Variants in SLC35E4 observed in about 807,000 individuals in gnomAD.
SLC35E4 encodes solute carrier family 35 member E4, also known as solute carrier family 35, member E4.
SLC35E4 carries 15 observed loss-of-function variants against 19.3 expected under a neutral mutation model. That is an observed-to-expected ratio of 0.78 (90% CI 0.52 to 1.20). The LOEUF (loss-of-function observed/expected upper bound fraction) is 1.20. SLC35E4 is among the 50% of genes most tolerant of loss of function. The pLI is 0.00. For missense variants in SLC35E4, 406 were observed against 472.3 expected (o/e 0.86, Z 1.30); for synonymous variants, 219 against 219.9 (o/e 1.00, Z 0.04).
intron 1 of SLC35E4, among the ~76,000 whole-genome samples, chr22:30,644,393 A>G (rs1388550379): frequency 6.6e-6 from 1 of 152,224 alleles, no homozygotes; most frequent in Non-Finnish European, 1.5e-5. Context: ...TCGACTACTC[A>G]TCTCTCTCCA....
downstream of SLC35E4, among the ~76,000 whole-genome samples, chr22:30,649,949 T>C (rs2088182959): frequency 6.7e-6 from 1 of 149,212 alleles, no homozygotes; most frequent in Non-Finnish European, 1.5e-5. Context: ...CCATTAGACA[T>C]TGAGGTGATT....
chr22:30,646,117 T>G (rs2088124937), intron 1 of SLC35E4, among the ~76,000 whole-genome samples: 1 of 152,194 alleles, frequency 6.6e-6, no homozygotes, highest in African/African-American at 2.4e-5. Flanking sequence ...CTTTGTAATG[T>G]TTTTTGAGCC....
At chr22:30,638,683 G>A (rs896232981) in intron 1 of SLC35E4, among the ~76,000 whole-genome samples, 4 of 150,048 alleles carry the variant, frequency 2.7e-5, no homozygotes, top group Non-Finnish European at 5.9e-5. Context: ...GTGATGGTGG[G>A]CGCCTGTAAT....
At chr22:30,658,386 AT>A (rs1323084041) in intron 2 of SLC35E4, among the ~76,000 whole-genome samples, 42 of 147,534 alleles carry the variant, frequency 2.8e-4, no homozygotes, top group South Asian at 6.5e-4. Context: ...AAAAAAAAAA[AT>A]TTTTTTTTTT....
chr22:30,662,011 G>A (rs2088485012), intron 2 of SLC35E4: 1 of 150,112 alleles, frequency 6.7e-6, no homozygotes, highest in Non-Finnish European at 1.5e-5. Context: ...GTGAGGTAGG[G>A]TCTGAAAGGA....
chr22:30,655,677 C>G (rs930158579), intron 2 of SLC35E4, among the ~76,000 whole-genome samples: 5 of 152,108 alleles, frequency 3.3e-5, no homozygotes, highest in Admixed American at 2.6e-4. Flanking sequence ...ATTTCAGTGT[C>G]ACAGCTGGGA....
intron 1 of SLC35E4, among the ~76,000 whole-genome samples, chr22:30,645,678 C>G (rs976714103): frequency 2.0e-5 from 3 of 150,264 alleles, no homozygotes; most frequent in African/African-American, 7.3e-5. Context: ...TTTTTAGAGA[C>G]AGGGTCTTGC....
chr22:30,663,525 C>T, downstream of SLC35E4: 1 of 1,614,176 alleles, frequency 6.2e-7, no homozygotes, highest in Non-Finnish European at 8.5e-7. Context: ...AGTGTTCTTG[C>T]CAAACAATTG....
At position 30,647,253 on chromosome 22, in the gene SLC35E4, C is replaced by T. The variant is rs2088150228; in HGVS notation, c.*222C>T. On this transcript the variant is annotated 3_prime_UTR_variant, in exon 2 of 2. Coordinates refer to ENST00000343605, the MANE Select transcript of SLC35E4 (RefSeq NM_001001479.4). ...TCTCTACTAAAAATAGAAAAATTAGCTGGGCATGGTGGCGCGTGCCTATAG... is the reference window on the plus strand; with the variant it reads ...TCTCTACTAAAAATAGAAAAATTAGTTGGGCATGGTGGCGCGTGCCTATAG... The T allele has an allele frequency of 2.4e-5, 14 of 590,044 alleles. No individual in the cohort carries two copies. In the South Asian group the frequency reaches 3.1e-4, roughly 13 times the overall value. The allele number at this position is 590,044 out of a possible 1,614,324, so 36.6% of individuals were successfully genotyped here. A position where few individuals can be genotyped will look rare whatever the true frequency, so the allele number is the denominator to read the frequency against.
At chr22:30,645,595 C>CA (rs1157239877) in intron 1 of SLC35E4, among the ~76,000 whole-genome samples, 2,160 of 80,880 alleles carry the variant, frequency 0.027, 6 homozygotes, top group Non-Finnish European at 0.041. Flanking sequence ...ACTCTGTCTC[C>CA]AAAAAAAAAA....
At chr22:30,653,977 GT>G in intron 2 of SLC35E4, 2 of 149,486 alleles carry the variant, frequency 1.3e-5, no homozygotes, top group South Asian at 1.8e-4. Context: ...TAGCTGTTTT[GT>G]TTTTTTGTTT....
chr22:30,657,189 C>A (rs930946396), intron 2 of SLC35E4, among the ~76,000 whole-genome samples: 1 of 151,992 alleles, frequency 6.6e-6, no homozygotes, highest in African/African-American at 2.4e-5. Context: ...AATCCCAGCA[C>A]TTTGGGAGGC....
intron 1 of SLC35E4, among the ~76,000 whole-genome samples, chr22:30,646,028 G>A (rs750513736): frequency 1.3e-5 from 2 of 150,944 alleles, no homozygotes; most frequent in Non-Finnish European, 3.0e-5. Flanking sequence ...CGTTGCCCGG[G>A]CAGGTCTCAA....
At chr22:30,654,487 G>A in intron 2 of SLC35E4, 1 of 431,456 alleles carries the variant, frequency 2.3e-6, no homozygotes, top group East Asian at 7.1e-5. Context: ...AGGGTGGTGG[G>A]ATGCCGTTAA....
chr22:30,663,387 C>G (rs759046552), downstream of SLC35E4: 1 of 1,527,402 alleles, frequency 6.5e-7, no homozygotes, highest in African/African-American at 1.4e-5. Flanking sequence ...GGTGTAAGAT[C>G]AACAATAGAT....
chr22:30,656,272 T>A (rs1158546101), intron 2 of SLC35E4, among the ~76,000 whole-genome samples: 1 of 152,042 alleles, frequency 6.6e-6, no homozygotes, highest in East Asian at 1.9e-4. Flanking sequence ...CCACTGCACT[T>A]GGACTCTAAG....
chr22:30,642,729 CAAAA>C (rs34842452), intron 1 of SLC35E4, among the ~76,000 whole-genome samples: 1 of 87,162 alleles, frequency 1.1e-5, no homozygotes. Context: ...GGCAACATCT[CAAAA>C]AAAAAAAAAA....
At chr22:30,641,209 C>A (rs916113923) in intron 1 of SLC35E4, among the ~76,000 whole-genome samples, 1 of 152,230 alleles carries the variant, frequency 6.6e-6, no homozygotes, top group African/African-American at 2.4e-5. Flanking sequence ...CCCAGGCAGC[C>A]CCAGCCTGCA....
Position 30,654,492 on chromosome 22 carries a change from C to T in SLC35E4, c.*8+5239C>T, listed in dbSNP as rs565310687. 4 of 432,126 alleles carry T rather than the reference C, an allele frequency of 9.3e-6. No homozygotes were observed. In the Admixed American group the frequency reaches 1.0e-4, roughly 11 times the overall value. 26.8% of individuals were successfully genotyped at this position (432,126 alleles called of 1,614,324 possible). ...TTTTCGTCATAGGGTGGTGGGATGC[C>T]GTTAAACACCTTGAGGCGGTCTTGG... is the stretch of plus-strand genomic sequence containing the variant. On this transcript the variant is annotated intron_variant, in intron 2 of 2. Coordinates refer to the SLC35E4 transcript ENST00000406566.
Sources: allele counts gnomAD v4.1 joint callset (sites outside exome capture counted in the v4.1 genomes callset), GRCh38; gene constraint gnomAD v4.1.1; transcripts MANE v1.5; gene names NCBI Gene and HGNC (gene_info 2026-07-23, HGNC 2026-07-21).